HTR1F: variants seen among roughly 807,000 people sequenced by gnomAD.
HTR1F encodes the protein 5-hydroxytryptamine (serotonin) receptor 1F, G protein-coupled.
In HTR1F, 17 loss-of-function variants were observed where a neutral mutation model predicts 24.0. That is an observed-to-expected ratio of 0.71 (90% confidence interval 0.48 to 1.06). The LOEUF (loss-of-function observed/expected upper bound fraction) is 1.06. Ranked by LOEUF, HTR1F falls within the 50% of genes least tolerant of loss-of-function variation. The pLI is 0.00. For missense variants in HTR1F, 391 were observed against 427.8 expected (o/e 0.91, Z 0.76); for synonymous variants, 186 against 156.8 (o/e 1.19, Z -1.39).
intron 2 of HTR1F, among the ~76,000 whole-genome samples, chr3:87,871,783 G>C (rs1705564040): frequency 6.6e-6 from 1 of 152,014 alleles, no homozygotes; most frequent in South Asian, 2.1e-4. Context: ...TTGAATGGAA[G>C]GGAAAATAGG....
At chr3:87,976,677 T>G (rs545618325) in intron 2 of HTR1F, among the ~76,000 whole-genome samples, 1 of 152,380 alleles carries the variant, frequency 6.6e-6, no homozygotes, top group East Asian at 1.9e-4. Context: ...GATTTTGAGA[T>G]AGACCTTGTC....
chr3:87,812,145 CAA>C (rs1704170893), intron 1 of HTR1F, among the ~76,000 whole-genome samples: 1 of 152,032 alleles, frequency 6.6e-6, no homozygotes, highest in African/African-American at 2.4e-5. Context: ...TTAATTAGTA[CAA>C]AGAGTGGGGT....
In HTR1F at chr3:87,992,205, C is replaced by A. The variant is rs1705853874; in HGVS notation, c.*355C>A. On this transcript the variant is annotated 3_prime_UTR_variant, in exon 3 of 3. Coordinates refer to ENST00000319595, the MANE Select transcript of HTR1F (RefSeq NM_001322209.2). ...AGAGGAGTTTTCAATTAACAACATA[C>A]CTCCCTCCATAATTTCTATCTAGTC... is the stretch of plus-strand genomic sequence containing the variant. The A allele has an allele frequency of 5.9e-6, 1 of 169,144 alleles. No homozygotes were observed. The highest frequency in any genetic ancestry group is 2.4e-5 in the African/African-American group (1 of 41,610). The allele number at this position is 169,144 out of a possible 1,614,324, so 10.5% of individuals were successfully genotyped here. A position where few individuals can be genotyped will look rare whatever the true frequency, so the allele number is the denominator to read the frequency against.
At chr3:87,812,076 C>T (rs1275666782) in intron 1 of HTR1F, among the ~76,000 whole-genome samples, 4 of 152,098 alleles carry the variant, frequency 2.6e-5, no homozygotes, top group Non-Finnish European at 5.9e-5. Flanking sequence ...TCAATTAAAC[C>T]TATAAATTAC....
intron 2 of HTR1F, among the ~76,000 whole-genome samples, chr3:87,942,171 C>T (rs1704583933): frequency 6.6e-6 from 1 of 152,112 alleles, no homozygotes; most frequent in Non-Finnish European, 1.5e-5. Flanking sequence ...ATGGCCCCTG[C>T]TTTTGCTAGA....
chr3:87,805,970 G>A (rs764735679), intron 1 of HTR1F, among the ~76,000 whole-genome samples: 1 of 151,820 alleles, frequency 6.6e-6, no homozygotes, highest in Non-Finnish European at 1.5e-5. Context: ...TTTCATGAGA[G>A]CAACTTTTTT....
At chr3:87,940,025 A>G (rs1388114398) in intron 2 of HTR1F, among the ~76,000 whole-genome samples, 1 of 152,236 alleles carries the variant, frequency 6.6e-6, no homozygotes, top group Non-Finnish European at 1.5e-5. Flanking sequence ...CCCTCTAAAC[A>G]CTGCTTTAGA....
At chr3:87,818,447 G>A (rs777422138) in intron 1 of HTR1F, among the ~76,000 whole-genome samples, 1 of 152,150 alleles carries the variant, frequency 6.6e-6, no homozygotes, top group Non-Finnish European at 1.5e-5. Context: ...AAAGCTACTT[G>A]CAAAGTGAGG....
intron 2 of HTR1F, among the ~76,000 whole-genome samples, chr3:87,906,529 T>C (rs1272472575): frequency 1.3e-5 from 2 of 152,054 alleles, no homozygotes; most frequent in Non-Finnish European, 2.9e-5. Flanking sequence ...AATTTTTTTT[T>C]TAATTTTTTC....
intron 2 of HTR1F, among the ~76,000 whole-genome samples, chr3:87,985,355 A>C (rs748568629): frequency 6.6e-6 from 1 of 152,144 alleles, no homozygotes; most frequent in Non-Finnish European, 1.5e-5. Flanking sequence ...AAAAGCAAAG[A>C]AAAAGTAGTT....
chr3:87,967,878 G>T (rs927130450), intron 2 of HTR1F, among the ~76,000 whole-genome samples: 1 of 152,152 alleles, frequency 6.6e-6, no homozygotes, highest in Non-Finnish European at 1.5e-5. Context: ...GTAGGGCGCA[G>T]CTGTAAAGAT....
At chr3:87,920,398 G>C (rs566823116) in intron 2 of HTR1F, among the ~76,000 whole-genome samples, 2 of 151,628 alleles carry the variant, frequency 1.3e-5, no homozygotes, top group South Asian at 4.1e-4. Context: ...AATAACCTAT[G>C]GAAATAAAAA....
chr3:87,855,957 G>T (rs1385476515), intron 2 of HTR1F, among the ~76,000 whole-genome samples: 1 of 151,980 alleles, frequency 6.6e-6, no homozygotes, highest in Non-Finnish European at 1.5e-5. Context: ...CAACATTAAT[G>T]ATGTTGGCAA....
intron 2 of HTR1F, among the ~76,000 whole-genome samples, chr3:87,920,701 G>A (rs1307385872): frequency 1.3e-5 from 2 of 151,838 alleles, no homozygotes; most frequent in African/African-American, 4.8e-5. Flanking sequence ...ACAAGAGTAA[G>A]AACACACAAT....
At chr3:87,931,561 C>G (rs976534084) in intron 2 of HTR1F, among the ~76,000 whole-genome samples, 3 of 152,248 alleles carry the variant, frequency 2.0e-5, no homozygotes, top group Non-Finnish European at 2.9e-5. Context: ...TGGGTATATA[C>G]CCAGTAATGG....
At chr3:87,987,531 T>A (rs972419479) in intron 2 of HTR1F, among the ~76,000 whole-genome samples, 1 of 149,958 alleles carries the variant, frequency 6.7e-6, no homozygotes, top group African/African-American at 2.5e-5. Context: ...CTGAAAAGAA[T>A]AGAAACAATA....
intron 2 of HTR1F, among the ~76,000 whole-genome samples, chr3:87,905,724 A>T (rs191076955): frequency 1.9e-3 from 241 of 130,204 alleles, no homozygotes; most frequent in South Asian, 3.6e-3. Context: ...TTCTCTAAAT[A>T]CTTTATTTAG....
intron 1 of HTR1F, among the ~76,000 whole-genome samples, chr3:87,818,964 G>C (rs184306246): frequency 6.6e-6 from 1 of 152,168 alleles, no homozygotes; most frequent in African/African-American, 2.4e-5. Flanking sequence ...TTGCATACCT[G>C]CTCCCCTCTG....
intron 2 of HTR1F, among the ~76,000 whole-genome samples, chr3:87,880,195 G>A (rs767590007): frequency 1.3e-5 from 2 of 152,114 alleles, no homozygotes; most frequent in Non-Finnish European, 2.9e-5. Context: ...GGACTGAAAA[G>A]GGGCATGAGA....
Sources: gnomAD v4.1 joint callset for allele counts (sites outside exome capture counted in the v4.1 genomes callset) on GRCh38, gnomAD v4.1.1 for gene constraint, MANE v1.5 for transcripts, NCBI Gene and HGNC (gene_info 2026-07-23, HGNC 2026-07-21) for gene names.